The following MVB12B variants were observed in gnomAD, a reference collection of about 807,000 sequenced individuals.
MVB12B encodes multivesicular body subunit 12B.
In MVB12B, 16 loss-of-function variants were observed where a neutral mutation model predicts 41.6. The ratio of observed to expected loss-of-function variants is 0.38; its 90% CI spans 0.26 to 0.58. The LOEUF (loss-of-function observed/expected upper bound fraction) is 0.58, where lower values mean the gene tolerates loss of function less well. Among genes scored for constraint, MVB12B ranks in the 20% least tolerant of loss-of-function variants. MVB12B has a pLI of 0.62. For missense variants in MVB12B, 274 were observed against 380.2 expected (o/e 0.72, Z 2.32); for synonymous variants, 133 against 139.7 (o/e 0.95, Z 0.34).
chr9:126,385,181 C>T (rs1830745516), intron 3 of MVB12B, among the ~76,000 whole-genome samples: 1 of 152,226 alleles, frequency 6.6e-6, no homozygotes, highest in East Asian at 1.9e-4. Flanking sequence ...GAAAAATGTG[C>T]ACCCGAAATT....
At chr9:126,356,459 A>G (rs1338853760) in intron 2 of MVB12B, among the ~76,000 whole-genome samples, 1 of 152,086 alleles carries the variant, frequency 6.6e-6, no homozygotes, top group Non-Finnish European at 1.5e-5. Context: ...TTTATAATTG[A>G]CATACAATAG....
At chr9:126,439,658 G>A (rs923964859) in intron 7 of MVB12B, among the ~76,000 whole-genome samples, 2 of 152,170 alleles carry the variant, frequency 1.3e-5, no homozygotes, top group Admixed American at 1.3e-4. Flanking sequence ...CTTCAGAAAC[G>A]TGAAACCTTT....
chr9:126,365,463 G>C (rs1300000900), intron 2 of MVB12B, among the ~76,000 whole-genome samples: 2 of 151,784 alleles, frequency 1.3e-5, no homozygotes, highest in Non-Finnish European at 2.9e-5. Context: ...CTCCCGAGTA[G>C]CTGGGATTAC....
At chr9:126,424,077 C>G (rs978978773) in intron 7 of MVB12B, among the ~76,000 whole-genome samples, 1 of 152,176 alleles carries the variant, frequency 6.6e-6, no homozygotes, top group Non-Finnish European at 1.5e-5. Flanking sequence ...AGACTCCTGG[C>G]GGGCTCTGTG....
intron 2 of MVB12B, among the ~76,000 whole-genome samples, chr9:126,362,089 T>G (rs1830045475): frequency 6.6e-6 from 1 of 152,210 alleles, no homozygotes; most frequent in Non-Finnish European, 1.5e-5. Flanking sequence ...TACCTTGGTG[T>G]AGTTTTCTTA....
chr9:126,459,774 C>T lies in MVB12B; in HGVS notation c.758-21595C>T, dbSNP rs1001360720. Among the ~76,000 whole-genome samples the T allele has an allele frequency of 2.6e-5, 4 of 152,122 alleles. No homozygotes were observed. The highest frequency in any genetic ancestry group is 7.2e-5 in the African/African-American group (3 of 41,436). ...CACCTGCACCCATCCTTGCCTGCCC[C>T]GCTCACTTGGACCTGCCACTCTCCC... is the stretch of plus-strand genomic sequence containing the variant. On this transcript the variant is annotated intron_variant, in intron 7 of 9. Transcript: ENST00000361171. The surrounding 1 kb of genome is among the most constrained non-coding windows in gnomAD (Gnocchi z 4.3).
At chr9:126,483,530 C>T (rs1216628854) in intron 8 of MVB12B, among the ~76,000 whole-genome samples, 1 of 152,196 alleles carries the variant, frequency 6.6e-6, no homozygotes, top group Non-Finnish European at 1.5e-5. Context: ...TTCCTTAAAC[C>T]TCCTGCCTTA....
chr9:126,452,559 A>G (rs1301396407), intron 7 of MVB12B, among the ~76,000 whole-genome samples: 1 of 152,190 alleles, frequency 6.6e-6, no homozygotes, highest in Non-Finnish European at 1.5e-5. Context: ...AATTGGTTCT[A>G]TCCCAAATGT....
At chr9:126,474,509 G>A (rs1208789829) in intron 7 of MVB12B, among the ~76,000 whole-genome samples, 2 of 152,182 alleles carry the variant, frequency 1.3e-5, no homozygotes, top group Non-Finnish European at 2.9e-5. Context: ...AGACATGGAT[G>A]TTACAGAATT....
chr9:126,381,752 C>CATTAGATTTTTTAAAAAT (rs1405618961), intron 3 of MVB12B, among the ~76,000 whole-genome samples: 13 of 149,680 alleles, frequency 8.7e-5, no homozygotes, highest in Non-Finnish European at 1.9e-4. Context: ...TTTTTAAAAA[C>CATTAGATTTTTTAAAAAT]ATCTAATAAG....
chr9:126,374,052 A>G (rs180961255), intron 2 of MVB12B, among the ~76,000 whole-genome samples: 16 of 152,346 alleles, frequency 1.1e-4, no homozygotes, highest in African/African-American at 3.1e-4. Context: ...TAGTGTGTGT[A>G]TGTGTACAAA....
intron 9 of MVB12B, among the ~76,000 whole-genome samples, chr9:126,501,222 C>T (rs1018957788): frequency 2.0e-5 from 3 of 152,224 alleles, no homozygotes; most frequent in Non-Finnish European, 4.4e-5. Context: ...TCTGGAGCAA[C>T]CAGATGCTCA....
chr9:126,357,400 C>A (rs1196294386), intron 2 of MVB12B, among the ~76,000 whole-genome samples: 3 of 152,192 alleles, frequency 2.0e-5, no homozygotes, highest in Admixed American at 6.5e-5. Context: ...ACAGTAGATG[C>A]ATGTTTAACT....
At chr9:126,339,475 G>A (rs1829377215) in intron 1 of MVB12B, among the ~76,000 whole-genome samples, 1 of 152,104 alleles carries the variant, frequency 6.6e-6, no homozygotes, top group South Asian at 2.1e-4. Flanking sequence ...TCTTTTATTT[G>A]CTTTCTGGTG....
intron 6 of MVB12B, among the ~76,000 whole-genome samples, chr9:126,400,109 C>T (rs1831229057): frequency 6.6e-6 from 1 of 152,200 alleles, no homozygotes; most frequent in Admixed American, 6.5e-5. Flanking sequence ...TGCCTCACAC[C>T]ACCAGGCAGA....
intron 2 of MVB12B, among the ~76,000 whole-genome samples, chr9:126,362,375 G>T (rs1398547442): frequency 6.6e-5 from 10 of 151,974 alleles, no homozygotes; most frequent in Non-Finnish European, 2.9e-5. Flanking sequence ...TTTGTAAAAA[G>T]CATAATAGAT....
At chr9:126,419,615 G>A (rs760292694) in intron 6 of MVB12B, among the ~76,000 whole-genome samples, 30 of 152,124 alleles carry the variant, frequency 2.0e-4, no homozygotes, top group Non-Finnish European at 3.7e-4. Context: ...AACCACAGTC[G>A]ATAATTCACT....
At position 126,486,552 on chromosome 9, in the gene MVB12B, G is replaced by T. The variant is rs536578344; in HGVS notation, c.873+2520G>T. On this transcript the variant is annotated intron_variant, in intron 9 of 9. Coordinates refer to ENST00000361171, the MANE Select transcript of MVB12B (RefSeq NM_033446.3). This position sits in a 1 kb window ranked among gnomAD's most constrained non-coding sequence, Gnocchi z 4.7. Reference sequence around the variant, plus strand: ...GATGCCAAATGGATATAGGTGGGACGTGCTGGCAGCAGCGGCCTCAGCGTC... The same window carrying T: ...GATGCCAAATGGATATAGGTGGGACTTGCTGGCAGCAGCGGCCTCAGCGTC... Among the ~76,000 whole-genome samples, 3 of 152,354 alleles carry T rather than the reference G, an allele frequency of 2.0e-5. No homozygotes were observed. The highest frequency in any genetic ancestry group is 4.4e-5 in the Non-Finnish European group (3 of 68,030).
intron 2 of MVB12B, among the ~76,000 whole-genome samples, chr9:126,353,993 C>G (rs1829817500): frequency 6.6e-6 from 1 of 152,176 alleles, no homozygotes; most frequent in Non-Finnish European, 1.5e-5. Flanking sequence ...GCTATTTACC[C>G]TTGTCCATAC....
Sources: gnomAD v4.1 joint callset for allele counts (sites outside exome capture counted in the v4.1 genomes callset) on GRCh38, gnomAD v4.1.1 for gene constraint, Gnocchi (gnomAD v3.1) non-coding constraint, MANE v1.5 for transcripts, NCBI Gene and HGNC (gene_info 2026-07-23, HGNC 2026-07-21) for gene names.